Variants in ERC2 observed in about 807,000 individuals in gnomAD.
The protein encoded by ERC2 is ERC protein 2.
ERC2 carries 42 observed loss-of-function variants against 114.8 expected under a neutral mutation model. That is an observed-to-expected ratio of 0.37 (90% CI 0.29 to 0.47). The LOEUF is 0.47. Ranked by LOEUF, ERC2 falls within the 20% of genes least tolerant of loss-of-function variation. ERC2 has a pLI of 0.99. For missense variants in ERC2, 939 were observed against 1,150.7 expected, an observed-to-expected ratio of 0.82 and a Z score of 2.66; for synonymous variants, 454 against 425.5, an observed-to-expected ratio of 1.07 and a Z score of -0.82.
intron 14 of ERC2, among the ~76,000 whole-genome samples, chr3:55,801,742 C>T (rs976407576): frequency 6.6e-6 from 1 of 152,190 alleles, no homozygotes; most frequent in Admixed American, 6.5e-5. Context: ...AAATGTGGGA[C>T]CCTTGTTAAG....
chr3:56,166,720 A>T (rs191568738), intron 4 of ERC2, among the ~76,000 whole-genome samples: 83 of 152,088 alleles, frequency 5.5e-4, no homozygotes, highest in African/African-American at 2.0e-3. Context: ...TTTTAATGTT[A>T]ATAAGGTTTA....
At chr3:56,258,109 C>T (rs2052644579) in intron 3 of ERC2, among the ~76,000 whole-genome samples, 1 of 152,200 alleles carries the variant, frequency 6.6e-6, no homozygotes, top group African/African-American at 2.4e-5. Flanking sequence ...GACTAGGGGG[C>T]CAGATGCCCT....
chr3:55,526,116 G>A (rs73077406), intron 17 of ERC2, among the ~76,000 whole-genome samples: 25,064 of 152,038 alleles, frequency 0.16, 2,592 homozygotes, highest in Non-Finnish European at 0.23. Context: ...AGCAGAGGGT[G>A]GAGCAATGCA....
intron 9 of ERC2, 70 bp from the exon 10 acceptor site, chr3:56,007,391 A>G: frequency 7.4e-7 from 1 of 1,356,954 alleles, no homozygotes; most frequent in Non-Finnish European, 1.0e-6. Context: ...ATTTGAACAC[A>G]TTGATTCTAT....
At chr3:56,062,093 T>C (rs975455520) in intron 7 of ERC2, among the ~76,000 whole-genome samples, 1 of 152,226 alleles carries the variant, frequency 6.6e-6, no homozygotes, top group African/African-American at 2.4e-5. Context: ...AACTATTTTA[T>C]ATAGATTCAA....
intron 14 of ERC2, among the ~76,000 whole-genome samples, chr3:55,802,154 C>T (rs950138882): frequency 6.6e-6 from 1 of 152,182 alleles, no homozygotes; most frequent in Non-Finnish European, 1.5e-5. Context: ...ATCTACAATT[C>T]ATAAAAAGGT....
At chr3:55,942,279 T>C (rs796329460) in intron 13 of ERC2, among the ~76,000 whole-genome samples, 4 of 108,216 alleles carry the variant, frequency 3.7e-5, no homozygotes, top group African/African-American at 1.6e-4. Flanking sequence ...TTTTTTTTTT[T>C]TTTTTTTTTT....
chr3:56,441,037 CAGT>C lies in ERC2; in HGVS notation c.-140-5893_-140-5891del, dbSNP rs567075997. 1.2e-4 allele frequency among the ~76,000 whole-genome samples: 18 copies of C among 152,290 alleles called. 1 individual carries two copies. In the South Asian group the frequency reaches 3.7e-3, roughly 32 times the overall value. On this transcript the variant is annotated intron_variant, in intron 1 of 17. Coordinates refer to ENST00000288221, the MANE Select transcript of ERC2 (RefSeq NM_015576.3). ...TGTGACCTGCTTAGACCAACAAATG[CAGT>C]AGAGGAGACACTGTTCCAGCTCTGA... is the stretch of plus-strand genomic sequence containing the variant.
At chr3:55,566,852 C>T (rs2056408817) in intron 17 of ERC2, among the ~76,000 whole-genome samples, 1 of 152,124 alleles carries the variant, frequency 6.6e-6, no homozygotes, top group Non-Finnish European at 1.5e-5. Context: ...GTGTATGTCA[C>T]CATGCCCAGC....
intron 16 of ERC2, among the ~76,000 whole-genome samples, chr3:55,684,475 C>T (rs1052959575): frequency 6.6e-6 from 1 of 152,122 alleles, no homozygotes; most frequent in Non-Finnish European, 1.5e-5. Flanking sequence ...AGAGGATGCA[C>T]TGGCGATGGT....
At chr3:55,882,799 A>G (rs1299962154) in intron 14 of ERC2, among the ~76,000 whole-genome samples, 4 of 152,210 alleles carry the variant, frequency 2.6e-5, no homozygotes, top group Non-Finnish European at 5.9e-5. Context: ...GGATGACTAT[A>G]GAATCAAGGC....
At chr3:55,675,895 T>TTTTC (rs1303126959) in intron 17 of ERC2, among the ~76,000 whole-genome samples, 17 of 105,490 alleles carry the variant, frequency 1.6e-4, no homozygotes, top group South Asian at 9.4e-4. Context: ...TTTCTTTCTC[T>TTTTC]TTTCTTTCTT....
At chr3:56,000,084 A>G (rs1056663441) in intron 10 of ERC2, among the ~76,000 whole-genome samples, 1 of 151,974 alleles carries the variant, frequency 6.6e-6, no homozygotes, top group African/African-American at 2.4e-5. Context: ...AGAACTTCAT[A>G]TTCAATAAAA....
chr3:56,233,968 A>G (rs2050787050), intron 3 of ERC2, among the ~76,000 whole-genome samples: 1 of 152,282 alleles, frequency 6.6e-6, no homozygotes, highest in Middle Eastern at 3.4e-3. Context: ...TCATCTTACA[A>G]TCTTTAATTA....
intron 17 of ERC2, among the ~76,000 whole-genome samples, chr3:55,663,013 G>A (rs1317831161): frequency 2.6e-5 from 4 of 152,068 alleles, no homozygotes; most frequent in African/African-American, 9.7e-5. Context: ...TAAAACAAAT[G>A]GCACTATTAA....
intron 1 of ERC2, among the ~76,000 whole-genome samples, chr3:56,455,428 A>G (rs2063020811): frequency 6.6e-6 from 1 of 152,048 alleles, no homozygotes; most frequent in South Asian, 2.1e-4. Flanking sequence ...TGCACCATCT[A>G]TTGGCTGCCT....
chr3:55,552,274 T>G (rs139203809), intron 17 of ERC2, among the ~76,000 whole-genome samples: 3,984 of 152,116 alleles, frequency 0.026, 71 homozygotes, highest in South Asian at 0.071. Flanking sequence ...AGGGGTGGGG[T>G]TGGGGGCAGG....
Position 55,779,650 on chromosome 3 carries a change from C to A in ERC2, c.2565-44732G>T, listed in dbSNP as rs530218764. Among the ~76,000 whole-genome samples, 5 of 152,132 alleles carry A rather than the reference C, an allele frequency of 3.3e-5. No individual in the cohort carries two copies. In the South Asian group the frequency reaches 1.0e-3, roughly 32 times the overall value. The stretch of plus-strand genomic sequence containing the variant: ...TAAGCTGCAACACTTGCAAAAAAAA[C>A]CCCAGCAGCACATTGCAGAAAGAAT... On this transcript the variant is annotated intron_variant, in intron 14 of 17. Coordinates refer to ENST00000288221, the MANE Select transcript of ERC2 (RefSeq NM_015576.3).
chr3:56,457,030 C>T (rs1423675055), intron 1 of ERC2, among the ~76,000 whole-genome samples: 1 of 152,228 alleles, frequency 6.6e-6, no homozygotes, highest in Non-Finnish European at 1.5e-5. Flanking sequence ...CAATCTTGTA[C>T]ATTTCAAGGA....
Sources: allele counts gnomAD v4.1 joint callset (sites outside exome capture counted in the v4.1 genomes callset), GRCh38; gene constraint gnomAD v4.1.1; transcripts MANE v1.5; gene names NCBI Gene and HGNC (gene_info 2026-07-23, HGNC 2026-07-21).